Variants in GTF2A1L observed in about 807,000 individuals in gnomAD.
GTF2A1L encodes the protein TFIIA-alpha and beta-like factor.
A neutral mutation model predicts 49.7 loss-of-function variants in GTF2A1L; 48 were observed. The ratio of observed to expected loss-of-function variants is 0.97; its 90% CI spans 0.77 to 1.23. GTF2A1L has a LOEUF of 1.23. GTF2A1L is among the 50% of genes most tolerant of loss of function. The pLI, the probability that GTF2A1L is intolerant of heterozygous loss-of-function variation, is 0.00. For synonymous variants in GTF2A1L, 246 were observed against 193.5 expected (o/e 1.27, Z -2.25); for missense variants, 736 against 564.8 (o/e 1.30, Z -3.07).
intron 6 of GTF2A1L, among the ~76,000 whole-genome samples, chr2:48,657,216 T>C (rs1366364770): frequency 6.6e-6 from 1 of 152,202 alleles, no homozygotes; most frequent in African/African-American, 2.4e-5. Flanking sequence ...GAACTATGCA[T>C]AGTACCCAAA....
chr2:48,673,529 A>C (rs1313538165), intron 8 of GTF2A1L, among the ~76,000 whole-genome samples: 1 of 151,604 alleles, frequency 6.6e-6, no homozygotes, highest in Admixed American at 6.6e-5. Context: ...CGCCCGGATA[A>C]TTTTTTGTAT....
At chr2:48,620,222 G>C (rs926903404) in intron 1 of GTF2A1L, among the ~76,000 whole-genome samples, 5 of 152,140 alleles carry the variant, frequency 3.3e-5, no homozygotes, top group African/African-American at 1.2e-4. Context: ...GAGTTGAGGA[G>C]GTTAAATACT....
At chr2:48,619,461 C>T (rs1350163991) in intron 1 of GTF2A1L, among the ~76,000 whole-genome samples, 1 of 144,568 alleles carries the variant, frequency 6.9e-6, no homozygotes, top group South Asian at 2.3e-4. Flanking sequence ...CAGAGCAAGA[C>T]TCCATCTCAA....
At chr2:48,652,175 G>T (rs1677886835) in intron 6 of GTF2A1L, among the ~76,000 whole-genome samples, 1 of 152,084 alleles carries the variant, frequency 6.6e-6, no homozygotes, top group African/African-American at 2.4e-5. Context: ...ATGGTATGAG[G>T]CTACGTAAAT....
intron 1 of GTF2A1L, among the ~76,000 whole-genome samples, chr2:48,618,614 G>C (rs935025457): frequency 6.6e-6 from 1 of 152,174 alleles, no homozygotes; most frequent in Non-Finnish European, 1.5e-5. Context: ...TATATATGCA[G>C]TATAACAGCT....
chr2:48,669,953 G>A lies in GTF2A1L; in HGVS notation c.1210G>A (p.Glu404Lys). 1.2e-6 allele frequency: 2 copies of A among 1,613,934 alleles called. No homozygotes were observed. The highest frequency in any genetic ancestry group is 1.7e-6 in the Non-Finnish European group (2 of 1,179,946). Residue 404 changes from glutamate (E) to lysine (K), a missense_variant, in exon 7 of 9, where the codon GAA becomes AAA. Coordinates refer to ENST00000403751, the MANE Select transcript of GTF2A1L (RefSeq NM_006872.5). ...TTCAGCCACAAACAGTAGTGATAAT[G>A]AAGACCCTCAAGTAAACATTGTAGA... Reference protein sequence around the residue: ...EDSATNSSDNEDPQVNIVEED... With the variant: ...EDSATNSSDNKDPQVNIVEED...
intron 3 of GTF2A1L, among the ~76,000 whole-genome samples, chr2:48,625,390 C>G (rs1298836057): frequency 7.0e-6 from 1 of 143,626 alleles, no homozygotes; most frequent in African/African-American, 2.5e-5. Flanking sequence ...AGTCCTTTGC[C>G]AATTTTTGAA....
intron 6 of GTF2A1L, among the ~76,000 whole-genome samples, chr2:48,656,947 G>T (rs1315421359): frequency 6.6e-6 from 1 of 152,094 alleles, no homozygotes; most frequent in Non-Finnish European, 1.5e-5. Flanking sequence ...TTGTTGAAAA[G>T]ACTGTCCATT....
chr2:48,663,365 G>T (rs1027826906), intron 6 of GTF2A1L, among the ~76,000 whole-genome samples: 7 of 152,116 alleles, frequency 4.6e-5, no homozygotes, highest in Non-Finnish European at 4.4e-5. Flanking sequence ...GAGCCCAGGA[G>T]GTCAAGGCTG....
rs1055120461 is a variant in GTF2A1L at position 48,667,391 on chromosome 2, C to G, written c.979-2331C>G. 6.6e-5 allele frequency among the ~76,000 whole-genome samples: 10 copies of G among 152,234 alleles called. No individual in the cohort carries two copies. In the East Asian group the frequency reaches 1.5e-3, roughly 23 times the overall value. On this transcript the variant is annotated intron_variant, in intron 6 of 8. Coordinates refer to ENST00000403751, the MANE Select transcript of GTF2A1L (RefSeq NM_006872.5). ...TGTATGTCCCATCTGTAAGGGCTGT[C>G]CCTCCTTGGATTTCAGGCTGCTTCA...
intron 5 of GTF2A1L, among the ~76,000 whole-genome samples, chr2:48,646,110 T>G (rs1677489122): frequency 6.6e-6 from 1 of 152,130 alleles, no homozygotes; most frequent in Non-Finnish European, 1.5e-5. Context: ...TAAAATCCAG[T>G]TTTTTGGCTG....
intron 5 of GTF2A1L, 150 bp from the exon 6 acceptor site, chr2:48,646,303 A>G (rs2104198707): frequency 3.5e-6 from 2 of 572,482 alleles, no homozygotes; most frequent in East Asian, 3.3e-5. Flanking sequence ...TCTGAAGAAT[A>G]AAAGAAAAAC....
At chr2:48,666,310 T>C (rs1678837333) in intron 6 of GTF2A1L, among the ~76,000 whole-genome samples, 1 of 151,832 alleles carries the variant, frequency 6.6e-6, no homozygotes, top group African/African-American at 2.4e-5. Context: ...GGTTCAAGCA[T>C]TTCACCTGCC....
In GTF2A1L at chr2:48,626,782, C is replaced by T. The variant is rs183873722; in HGVS notation, c.247+5492C>T. Among the ~76,000 whole-genome samples the T allele has an allele frequency of 2.1e-3, 297 of 144,494 alleles. 18 individuals are homozygous for T. Among genetic ancestry groups the T allele is most frequent in the African/African-American group, 7.0e-3 (286 of 40,644 alleles). 94.8% of individuals were successfully genotyped at this position (144,494 alleles called of 152,430 possible). ...AGAGGCAGGGTTTCTCCATACTGCC[C>T]AGGCTGGTCTCAAACTCCTGAGTTC... On this transcript the variant is annotated intron_variant, in intron 3 of 8. Transcript: ENST00000403751.
chr2:48,638,775 G>A (rs1293266564), intron 3 of GTF2A1L, among the ~76,000 whole-genome samples: 2 of 152,120 alleles, frequency 1.3e-5, no homozygotes, highest in African/African-American at 4.8e-5. Context: ...AAAAGAAGAA[G>A]TCAAACTGTC....
chr2:48,671,561 T>C (rs375033248), intron 7 of GTF2A1L, 30 bp from the exon 8 acceptor site: 103 of 1,596,888 alleles, frequency 6.5e-5, no homozygotes, highest in Non-Finnish European at 8.4e-5. Flanking sequence ...CATCATAAAA[T>C]TCCTTAATGT....
chr2:48,654,175 G>A (rs1678036653), intron 6 of GTF2A1L, among the ~76,000 whole-genome samples: 1 of 152,074 alleles, frequency 6.6e-6, no homozygotes, highest in Admixed American at 6.5e-5. Flanking sequence ...TTTTGGTAAG[G>A]AGAAGTTTTT....
At chr2:48,671,559 A>T in intron 7 of GTF2A1L, 32 bp from the exon 8 acceptor site, 1 of 1,596,392 alleles carries the variant, frequency 6.3e-7, no homozygotes, top group Non-Finnish European at 8.5e-7. Context: ...AGCATCATAA[A>T]ATTCCTTAAT....
chr2:48,621,299 C>T lies in GTF2A1L; in HGVS notation c.247+9C>T, dbSNP rs1366039672. The T allele has an allele frequency of 6.2e-7, 1 of 1,613,944 alleles. No individual in the cohort carries two copies. The highest frequency in any genetic ancestry group is 1.7e-5 in the Admixed American group (1 of 59,980). ...ATTGCAATCGTCAACAGGTTGGATACCATTAGTAAATGAGTACTGTTAGTA... is the reference window on the plus strand; with the variant it reads ...ATTGCAATCGTCAACAGGTTGGATATCATTAGTAAATGAGTACTGTTAGTA... On this transcript the variant is annotated intron_variant, in intron 3 of 8. Transcript: ENST00000403751.
Sources: allele counts gnomAD v4.1 joint callset (sites outside exome capture counted in the v4.1 genomes callset), GRCh38; gene constraint gnomAD v4.1.1; transcripts MANE v1.5; gene names NCBI Gene and HGNC (gene_info 2026-07-23, HGNC 2026-07-21).